Variants in NPAS2 observed in about 807,000 individuals in gnomAD.
NPAS2 encodes neuronal PAS domain-containing protein 2.
A neutral mutation model predicts 107.5 loss-of-function variants in NPAS2; 23 were observed. The observed-to-expected ratio is 0.21, with a 90% CI of 0.15 to 0.30. NPAS2 has a LOEUF of 0.30. NPAS2 is among the 10% of genes least tolerant of loss of function. NPAS2 has a pLI of 1.00. For synonymous variants in NPAS2, 403 were observed against 417.5 expected (o/e 0.97, Z 0.42); for missense variants, 756 against 1,043.3 (o/e 0.72, Z 3.79).
chr2:100,849,504 C>G (rs1319249749), intron 1 of NPAS2, among the ~76,000 whole-genome samples: 3 of 152,098 alleles, frequency 2.0e-5, no homozygotes, highest in Non-Finnish European at 2.9e-5. Flanking sequence ...GTCAGAACTC[C>G]AGGTAGATCA....
chr2:100,921,221 G>A (rs1224987885), intron 2 of NPAS2, among the ~76,000 whole-genome samples: 10 of 152,220 alleles, frequency 6.6e-5, no homozygotes, highest in African/African-American at 2.2e-4. Flanking sequence ...TCCCAGACCT[G>A]TGATGGTGGT....
chr2:100,977,779 A>T lies in NPAS2; in HGVS notation c.1462A>T (p.Thr488Ser). ...CCTGCCTCAGACCGTTCTGCAGAGC[A>T]CGCCCGCTCCCATGGCACAGGTGAG... ...QLLPQTVLQS[T>S]PAPMAQFSAQ... Residue 488 changes from threonine (T) to serine (S), a missense_variant, in exon 15 of 21, where the codon ACG (threonine) becomes TCG (serine). Thr to Ser is a moderately conservative substitution (Grantham distance 58). This residue lies in a region of NPAS2 where 496 missense variants were observed against 594.4 expected (regional missense o/e 0.83). Coordinates refer to ENST00000335681, the MANE Select transcript of NPAS2 (RefSeq NM_002518.4). 8 of 1,614,034 alleles carry T rather than the reference A, an allele frequency of 5.0e-6. No individual in the cohort carries two copies. The highest frequency in any genetic ancestry group is 6.8e-6 in the Non-Finnish European group (8 of 1,180,004).
At chr2:100,832,467 T>C (rs1461687040) in intron 1 of NPAS2, among the ~76,000 whole-genome samples, 2 of 152,180 alleles carry the variant, frequency 1.3e-5, no homozygotes, top group Non-Finnish European at 2.9e-5. Flanking sequence ...TTCCCGGTGC[T>C]CTGTGAAAAA....
At chr2:100,852,276 A>G (rs1051822569) in intron 1 of NPAS2, among the ~76,000 whole-genome samples, 20 of 152,128 alleles carry the variant, frequency 1.3e-4, no homozygotes, top group Non-Finnish European at 1.8e-4. Context: ...GGGTGCCTGT[A>G]GTCCCAGCTA....
chr2:100,857,298 C>CAA lies in NPAS2; in HGVS notation c.-23+36902_-23+36903dup, dbSNP rs11312399. 1.1e-3 allele frequency among the ~76,000 whole-genome samples: 96 copies of CAA among 87,854 alleles called. No individual in the cohort carries two copies. The East Asian group carries it at 0.012, about 11-fold the overall frequency. 57.6% of individuals were successfully genotyped at this position (87,854 alleles called of 152,430 possible). A position where few individuals can be genotyped will look rare whatever the true frequency, so the allele number is the denominator to read the frequency against. On this transcript the variant is annotated intron_variant, in intron 1 of 20. Transcript: ENST00000335681. ...GGGCGACAAGAGTGAAACTCCTTCT[C>CAA]AAAAAAAAAAAAAAAAAAAGATGTT...
At chr2:100,991,292 GC>G (rs1463820887) in intron 19 of NPAS2, among the ~76,000 whole-genome samples, 2 of 152,114 alleles carry the variant, frequency 1.3e-5, no homozygotes, top group Non-Finnish European at 2.9e-5. Context: ...CAGACAAGCA[GC>G]CCCCTCTCTG....
At chr2:100,903,640 T>C (rs1681939716) in intron 1 of NPAS2, among the ~76,000 whole-genome samples, 1 of 152,214 alleles carries the variant, frequency 6.6e-6, no homozygotes, top group Non-Finnish European at 1.5e-5. Context: ...ACCCTGTGTG[T>C]TGAGCGTAGA....
In NPAS2 at chr2:100,945,239, G is replaced by A. The variant is rs575320040; in HGVS notation, c.364-2996G>A. ...CTTCCTTTCCCTCCTCCTGTCCTCC[G>A]ATCAGCCACCAAGCTGTGTCCACTG... On this transcript the variant is annotated intron_variant, in intron 5 of 20. Coordinates refer to ENST00000335681, the MANE Select transcript of NPAS2 (RefSeq NM_002518.4). Among the ~76,000 whole-genome samples the A allele has an allele frequency of 2.6e-5, 4 of 152,166 alleles. No homozygotes were observed. The South Asian group carries it at 8.3e-4, about 32-fold the overall frequency.
At chr2:100,847,815 A>G (rs1573454398) in intron 1 of NPAS2, among the ~76,000 whole-genome samples, 1 of 152,244 alleles carries the variant, frequency 6.6e-6, no homozygotes, top group African/African-American at 2.4e-5. Context: ...CGCCTTCGCC[A>G]TATATGAAGA....
chr2:100,884,288 A>G (rs1002171837), intron 1 of NPAS2, among the ~76,000 whole-genome samples: 7 of 152,182 alleles, frequency 4.6e-5, no homozygotes, highest in African/African-American at 1.2e-4. Flanking sequence ...CCCGTTGACC[A>G]TATAAGAGGT....
intron 1 of NPAS2, among the ~76,000 whole-genome samples, chr2:100,887,841 G>A (rs1680810079): frequency 6.6e-6 from 1 of 152,174 alleles, no homozygotes; most frequent in Non-Finnish European, 1.5e-5. Flanking sequence ...CCGCGAACGG[G>A]CCCTGCATTC....
At chr2:100,975,237 A>C in intron 13 of NPAS2, 1 of 589,238 alleles carries the variant, frequency 1.7e-6, no homozygotes, top group Non-Finnish European at 3.0e-6. Context: ...AGCTCATTGG[A>C]CCAAGCAGCC....
intron 1 of NPAS2, among the ~76,000 whole-genome samples, chr2:100,904,018 A>G (rs1432341552): frequency 1.3e-5 from 2 of 152,116 alleles, no homozygotes; most frequent in Non-Finnish European, 2.9e-5. Flanking sequence ...TTGTTACGTA[A>G]TCTTTCACAT....
chr2:100,889,874 T>C (rs1680938858), intron 1 of NPAS2, among the ~76,000 whole-genome samples: 1 of 152,166 alleles, frequency 6.6e-6, no homozygotes, highest in Non-Finnish European at 1.5e-5. Flanking sequence ...ATTAATGCCA[T>C]TTTCCGTATG....
At chr2:100,973,013 C>T (rs1235033411) in intron 12 of NPAS2, among the ~76,000 whole-genome samples, 1 of 151,966 alleles carries the variant, frequency 6.6e-6, no homozygotes, top group Non-Finnish European at 1.5e-5. Flanking sequence ...ACCCCGTCTC[C>T]ACTAAAAATA....
chr2:100,818,898 G>A (rs1275000032), upstream of NPAS2, among the ~76,000 whole-genome samples: 1 of 152,194 alleles, frequency 6.6e-6, no homozygotes, highest in Non-Finnish European at 1.5e-5. Flanking sequence ...GAACGCCGCC[G>A]CCCAGGTGAA....
Position 100,854,874 on chromosome 2 carries a change from G to A in NPAS2, c.-23+34460G>A, listed in dbSNP as rs747684696. ...CTGTGCACAGTGTGGCTATTGAGACGCTGAAATGTTGAGTGCTGGACCCTG... is the reference window on the plus strand; with the variant it reads ...CTGTGCACAGTGTGGCTATTGAGACACTGAAATGTTGAGTGCTGGACCCTG... On this transcript the variant is annotated intron_variant, in intron 1 of 20. Coordinates refer to ENST00000335681, the MANE Select transcript of NPAS2 (RefSeq NM_002518.4). Among the ~76,000 whole-genome samples, 5 of 152,304 alleles carry A rather than the reference G, an allele frequency of 3.3e-5. No individual in the cohort carries two copies. In the South Asian group the frequency reaches 6.2e-4, roughly 19 times the overall value.
intron 5 of NPAS2, among the ~76,000 whole-genome samples, chr2:100,946,601 C>T (rs1364896325): frequency 6.6e-6 from 1 of 152,246 alleles, no homozygotes; most frequent in Admixed American, 6.5e-5. Context: ...TTGTGTTGAG[C>T]AGTTGAGGCT....
intron 19 of NPAS2, among the ~76,000 whole-genome samples, chr2:100,992,564 C>G (rs1471906042): frequency 2.0e-5 from 3 of 152,204 alleles, no homozygotes; most frequent in African/African-American, 7.2e-5. Flanking sequence ...CCCTCGTTCT[C>G]GATCTCCTCC....
Sources: allele counts gnomAD v4.1 joint callset (sites outside exome capture counted in the v4.1 genomes callset), GRCh38; gene constraint gnomAD v4.1.1; regional missense constraint gnomAD v4.1.1; transcripts MANE v1.5; gene names NCBI Gene and HGNC (gene_info 2026-07-23, HGNC 2026-07-21).